KDM4B: variants seen among roughly 807,000 people sequenced by gnomAD.
The protein encoded by KDM4B is lysine demethylase 4B, also known as lysine-specific demethylase 4B.
KDM4B carries 32 observed loss-of-function variants against 125.2 expected under a neutral mutation model. The ratio of observed to expected loss-of-function variants is 0.26; its 90% CI spans 0.19 to 0.34. The LOEUF is 0.34. Ranked by LOEUF, KDM4B falls within the 10% of genes least tolerant of loss-of-function variation. KDM4B has a pLI of 1.00. For missense variants in KDM4B, 1,190 were observed against 1,577.7 expected (o/e 0.75, Z 4.16); for synonymous variants, 721 against 677.9 (o/e 1.06, Z -0.99).
chr19:5,010,509 C>T (rs528037072), intron 1 of KDM4B, among the ~76,000 whole-genome samples: 19 of 152,176 alleles, frequency 1.2e-4, no homozygotes, highest in Non-Finnish European at 2.1e-4. Flanking sequence ...TACATTTCCG[C>T]GTGGCTCTTT....
chr19:5,058,704 T>A (rs1454802036), intron 6 of KDM4B, among the ~76,000 whole-genome samples: 1 of 152,218 alleles, frequency 6.6e-6, no homozygotes, highest in Non-Finnish European at 1.5e-5. Context: ...TGGCTTGGTC[T>A]GGCAGGAGCA....
At chr19:5,110,412 C>T (rs377394663) in intron 9 of KDM4B, among the ~76,000 whole-genome samples, 5 of 152,274 alleles carry the variant, frequency 3.3e-5, no homozygotes, top group African/African-American at 1.2e-4. Flanking sequence ...GTCGAGGCTA[C>T]AATGAGCCAT....
At position 5,146,284 on chromosome 19, in the gene KDM4B, C is replaced by T. The variant is rs568022199; in HGVS notation, c.3021+1382C>T. 5.9e-5 allele frequency among the ~76,000 whole-genome samples: 9 copies of T among 151,918 alleles called. No individual in the cohort carries two copies. The South Asian group carries it at 1.2e-3, about 21-fold the overall frequency. On this transcript the variant is annotated intron_variant, in intron 21 of 22. Transcript: ENST00000159111. ...GCCGGCCCCGCCCAGTCACCACTCT[C>T]GACCTGTCACTGAGCATCCAGGACC... is the stretch of plus-strand genomic sequence containing the variant.
intron 6 of KDM4B, among the ~76,000 whole-genome samples, chr19:5,053,881 G>T (rs1269881780): frequency 6.6e-6 from 1 of 152,230 alleles, no homozygotes; most frequent in Non-Finnish European, 1.5e-5. Flanking sequence ...CTGGCTCTGG[G>T]TCCACATGGG....
intron 8 of KDM4B, chr19:5,077,952 C>T (rs935898459): frequency 1.3e-4 from 22 of 168,224 alleles, no homozygotes; most frequent in Admixed American, 7.2e-4. Context: ...AGTGACATTT[C>T]GGGCTCTCCT....
chr19:5,027,748 C>T (rs1292807966), intron 2 of KDM4B, among the ~76,000 whole-genome samples: 2 of 152,106 alleles, frequency 1.3e-5, no homozygotes, highest in Admixed American at 1.3e-4. Flanking sequence ...ATGGTGCTGG[C>T]CAGGCTGGTC....
At chr19:5,023,610 G>T (rs2036189225) in intron 2 of KDM4B, among the ~76,000 whole-genome samples, 1 of 152,162 alleles carries the variant, frequency 6.6e-6, no homozygotes, top group East Asian at 1.9e-4. Context: ...GGCCGCATGG[G>T]GCTTCACCTG....
At chr19:5,108,030 C>T (rs559431078) in intron 9 of KDM4B, among the ~76,000 whole-genome samples, 21 of 152,232 alleles carry the variant, frequency 1.4e-4, no homozygotes, top group Non-Finnish European at 1.5e-5. Flanking sequence ...GCAGTGGCAG[C>T]CCCTGGAGCA....
chr19:5,126,535 G>A (rs951858854), intron 11 of KDM4B, among the ~76,000 whole-genome samples: 4 of 152,202 alleles, frequency 2.6e-5, no homozygotes, highest in Non-Finnish European at 5.9e-5. Flanking sequence ...GAAAGGCTGC[G>A]GTGAGTGGGG....
At chr19:4,981,013 C>T (rs1235151608) in intron 1 of KDM4B, among the ~76,000 whole-genome samples, 1 of 152,072 alleles carries the variant, frequency 6.6e-6, no homozygotes, top group Non-Finnish European at 1.5e-5. Flanking sequence ...AGTGGCCCGG[C>T]GGGCCTGCAG....
chr19:4,998,135 T>C (rs1432804634), intron 1 of KDM4B, among the ~76,000 whole-genome samples: 1 of 152,188 alleles, frequency 6.6e-6, no homozygotes, highest in Non-Finnish European at 1.5e-5. Context: ...TCTGTGTGGC[T>C]CCATCCCCTC....
rs145442124 is a variant in KDM4B at position 5,012,111 on chromosome 19, T to C, written c.-108-4146T>C. On this transcript the variant is annotated intron_variant, in intron 1 of 22. Coordinates refer to ENST00000159111, the MANE Select transcript of KDM4B (RefSeq NM_015015.3). Reference sequence around the variant, plus strand: ...TGCGGTGGGCTCCCCTTGCCAGTTCTATTCCTAGTGCCCAGATCTGCCTAG... The same window carrying C: ...TGCGGTGGGCTCCCCTTGCCAGTTCCATTCCTAGTGCCCAGATCTGCCTAG... Among the ~76,000 whole-genome samples, 219 of 152,290 alleles carry C rather than the reference T, an allele frequency of 1.4e-3. 1 individual carries two copies. Among genetic ancestry groups the C allele is most frequent in the African/African-American group, 4.6e-3 (193 of 41,566 alleles).
chr19:5,114,381 G>A lies in KDM4B; in HGVS notation c.1115+3563G>A. ...TGCTCTGCCTTGGCCTGTCGCCCCT[G>A]CGCCAGTGCAGGACACCGCCACGCC... On this transcript the variant is annotated intron_variant, in intron 10 of 22. Coordinates refer to ENST00000159111, the MANE Select transcript of KDM4B (RefSeq NM_015015.3). The surrounding 1 kb of genome is among the most constrained non-coding windows in gnomAD (Gnocchi z 5.8). The A allele has an allele frequency of 1.8e-6, 1 of 563,396 alleles. No individual in the cohort carries two copies. Among genetic ancestry groups the A allele is most frequent in the Non-Finnish European group, 3.1e-6 (1 of 325,584 alleles). 34.9% of individuals were successfully genotyped at this position (563,396 alleles called of 1,614,324 possible).
At chr19:5,058,240 G>A (rs1034281904) in intron 6 of KDM4B, among the ~76,000 whole-genome samples, 1 of 152,208 alleles carries the variant, frequency 6.6e-6, no homozygotes, top group Non-Finnish European at 1.5e-5. Flanking sequence ...AGCCCTGACG[G>A]AGTGCTCATG....
At chr19:5,091,706 G>A (rs968714637) in intron 9 of KDM4B, among the ~76,000 whole-genome samples, 3 of 146,114 alleles carry the variant, frequency 2.1e-5, no homozygotes, top group African/African-American at 4.9e-5. Flanking sequence ...TTAACCCGGA[G>A]CCCAGGGGGA....
rs1054777154 is a variant in KDM4B at position 5,114,293 on chromosome 19, G to A, written c.1115+3475G>A. On this transcript the variant is annotated intron_variant, in intron 10 of 22. Coordinates refer to ENST00000159111, the MANE Select transcript of KDM4B (RefSeq NM_015015.3). This position sits in a 1 kb window ranked among gnomAD's most constrained non-coding sequence, Gnocchi z 5.8. ...TCCCTGGCCCACTGCTGCTCTGTGAGCCCGGCTGGGCCCAGGCCTCGTCTC... is the reference window on the plus strand; with the variant it reads ...TCCCTGGCCCACTGCTGCTCTGTGAACCCGGCTGGGCCCAGGCCTCGTCTC... 9.1e-6 allele frequency: 11 copies of A among 1,207,574 alleles called. No individual in the cohort carries two copies. In the Admixed American group the frequency reaches 2.3e-4, roughly 25 times the overall value. 74.8% of individuals were successfully genotyped at this position (1,207,574 alleles called of 1,614,324 possible). A position where few individuals can be genotyped will look rare whatever the true frequency, so the allele number is the denominator to read the frequency against.
intron 6 of KDM4B, among the ~76,000 whole-genome samples, chr19:5,058,345 C>G (rs1456694819): frequency 6.6e-6 from 1 of 152,200 alleles, no homozygotes; most frequent in African/African-American, 2.4e-5. Flanking sequence ...ACGCGCAACC[C>G]CCAGAGCAGT....
In KDM4B at chr19:5,041,167, T is replaced by A. The variant is rs2240678; in HGVS notation, c.348T>A (p.Asp116Glu). 1.2e-6 allele frequency: 2 copies of A among 1,612,556 alleles called. No homozygotes were observed. The highest frequency in any genetic ancestry group is 1.7e-6 in the Non-Finnish European group (2 of 1,178,942). The part of the protein sequence containing the change: ...KYCTPRHQDF[D>E]DLERKYWKNL... Reference sequence around the variant, plus strand: ...GTACCCCGCGGCACCAGGACTTTGATGACCTTGAACGCAAATACTGGAAGA... The same window carrying A: ...GTACCCCGCGGCACCAGGACTTTGAAGACCTTGAACGCAAATACTGGAAGA... The change falls in exon 5 of 23, where the codon GAT (aspartate) becomes GAA (glutamate). Residue 116 changes from aspartate to glutamate, a missense_variant. Transcript: ENST00000159111.
chr19:5,126,045 G>A (rs1381066772), intron 11 of KDM4B, among the ~76,000 whole-genome samples: 1 of 152,176 alleles, frequency 6.6e-6, no homozygotes, highest in African/African-American at 2.4e-5. Context: ...CCAGTTTCAC[G>A]CCCCTAAAAG....
Sources: gnomAD v4.1 joint callset for allele counts (sites outside exome capture counted in the v4.1 genomes callset) on GRCh38, gnomAD v4.1.1 for gene constraint, Gnocchi (gnomAD v3.1) non-coding constraint, MANE v1.5 for transcripts, NCBI Gene and HGNC (gene_info 2026-07-23, HGNC 2026-07-21) for gene names.